Variants in F13A1 observed in about 807,000 individuals in gnomAD.
The protein encoded by F13A1 is FSF, A subunit.
In F13A1, 47 loss-of-function variants were observed where a neutral mutation model predicts 80.1. The ratio of observed to expected loss-of-function variants is 0.59; its 90% confidence interval spans 0.46 to 0.75. The LOEUF is 0.75. F13A1 is among the 30% of genes least tolerant of loss of function. The pLI is 0.00. For missense variants in F13A1, 817 were observed against 930.4 expected, an observed-to-expected ratio of 0.88 and a Z score of 1.59; for synonymous variants, 349 against 344.9, an observed-to-expected ratio of 1.01 and a Z score of -0.13.
At position 6,318,667 on chromosome 6, in the gene F13A1, T is replaced by C; in HGVS notation, c.-3A>G. The C allele has an allele frequency of 1.2e-6, 2 of 1,607,574 alleles. No homozygotes were observed. The highest frequency in any genetic ancestry group is 1.7e-6 in the Non-Finnish European group (2 of 1,179,064). On this transcript the variant is annotated 5_prime_UTR_variant, in exon 2 of 15. Coordinates refer to ENST00000264870, the MANE Select transcript of F13A1 (RefSeq NM_000129.4). The stretch of plus-strand genomic sequence containing the variant: ...GCGGTCCTGGAAGTTTCTGACATTT[T>C]TGACTTTACAAGGTCCTTCAGAAAA...
At chr6:6,209,846 T>G (rs1033296667) in intron 8 of F13A1, among the ~76,000 whole-genome samples, 1 of 151,914 alleles carries the variant, frequency 6.6e-6, no homozygotes, top group Non-Finnish European at 1.5e-5. Flanking sequence ...GTTGGAGAAA[T>G]GGGGAGTGAC....
intron 13 of F13A1, among the ~76,000 whole-genome samples, chr6:6,161,551 T>TGTGTGTGTGTGTGTGTGTGA (rs1010361754): frequency 1.1e-3 from 157 of 146,370 alleles, no homozygotes; most frequent in African/African-American, 3.4e-3. Flanking sequence ...TGTGTGTGTG[T>TGTGTGTGTGTGTGTGTGTGA]GAGAGAGAGA....
chr6:6,311,477 GA>G lies in F13A1; in HGVS notation c.131-5939del, dbSNP rs541385792. 2.1e-3 allele frequency among the ~76,000 whole-genome samples: 301 copies of G among 146,416 alleles called. 6 individuals are homozygous for G. Among genetic ancestry groups the G allele is most frequent in the African/African-American group, 7.2e-3 (287 of 39,594 alleles). ...CTTATATGTTGATAACAAAGGGTGA[GA>G]AAAAGGGTGCTGATTAATGCCTTTG... On this transcript the variant is annotated intron_variant, in intron 2 of 14. Coordinates refer to ENST00000264870, the MANE Select transcript of F13A1 (RefSeq NM_000129.4).
At chr6:6,163,521 G>A (rs1760609259) in intron 13 of F13A1, among the ~76,000 whole-genome samples, 1 of 152,146 alleles carries the variant, frequency 6.6e-6, no homozygotes, top group East Asian at 1.9e-4. Flanking sequence ...GACCCTGTGT[G>A]TGTTGTTTCC....
At chr6:6,284,781 G>A (rs1175236763) in intron 3 of F13A1, among the ~76,000 whole-genome samples, 2 of 152,154 alleles carry the variant, frequency 1.3e-5, no homozygotes, top group Non-Finnish European at 2.9e-5. Flanking sequence ...ATACTTCGTA[G>A]CCCTCTTGGA....
chr6:6,146,389 C>A (rs1362930991), intron 14 of F13A1, among the ~76,000 whole-genome samples: 2 of 152,196 alleles, frequency 1.3e-5, no homozygotes, highest in Non-Finnish European at 2.9e-5. Flanking sequence ...CTTTCTGCTA[C>A]CATTTGTTGC....
chr6:6,245,862 C>A (rs1487679707), intron 6 of F13A1, among the ~76,000 whole-genome samples: 1 of 152,202 alleles, frequency 6.6e-6, no homozygotes, highest in African/African-American at 2.4e-5. Flanking sequence ...AGTCCACATG[C>A]CACCTATACC....
At chr6:6,305,187 A>T in intron 3 of F13A1, 164 bp downstream of exon 3, 1 of 798,454 alleles carries the variant, frequency 1.3e-6, no homozygotes, top group Non-Finnish European at 2.2e-6. Context: ...TTGGCACTAT[A>T]CAGACCAGTC....
intron 10 of F13A1, among the ~76,000 whole-genome samples, chr6:6,186,832 G>A (rs1335139089): frequency 8.6e-5 from 13 of 150,320 alleles, no homozygotes; most frequent in Admixed American, 4.0e-4. Flanking sequence ...CCATTTTCAC[G>A]ATATTGATTC....
At chr6:6,233,585 C>T (rs1757378619) in intron 6 of F13A1, among the ~76,000 whole-genome samples, 1 of 152,106 alleles carries the variant, frequency 6.6e-6, no homozygotes, top group Non-Finnish European at 1.5e-5. Context: ...GGAACCCTCC[C>T]AAATTCATTC....
chr6:6,238,715 C>CATATATATATATATATATATATATAT (rs4053228), intron 6 of F13A1, among the ~76,000 whole-genome samples: 62 of 146,012 alleles, frequency 4.2e-4, no homozygotes, highest in African/African-American at 1.3e-3. Context: ...AAACATGCTG[C>CATATATATATATATATATATATATAT]ATATATATAT....
intron 3 of F13A1, among the ~76,000 whole-genome samples, chr6:6,284,067 A>C (rs1297526358): frequency 6.6e-6 from 1 of 152,258 alleles, no homozygotes; most frequent in African/African-American, 2.4e-5. Context: ...AAAGAGGCAG[A>C]GAGCAAAAAG....
At chr6:6,236,874 T>C (rs1048597639) in intron 6 of F13A1, among the ~76,000 whole-genome samples, 1 of 152,186 alleles carries the variant, frequency 6.6e-6, no homozygotes, top group Non-Finnish European at 1.5e-5. Flanking sequence ...AATTATTTCC[T>C]GTAGAAAATC....
chr6:6,166,169 G>T (rs939189969), intron 13 of F13A1, among the ~76,000 whole-genome samples: 1 of 152,250 alleles, frequency 6.6e-6, no homozygotes, highest in African/African-American at 2.4e-5. Context: ...AGGAGTTATA[G>T]AACCTCTCTG....
Position 6,243,645 on chromosome 6 carries a change from A to T in F13A1, c.798+4667T>A, listed in dbSNP as rs1247123191. On this transcript the variant is annotated intron_variant, in intron 6 of 14. Transcript: ENST00000264870. The surrounding 1 kb of genome is among the most constrained non-coding windows in gnomAD (Gnocchi z 4.2). ...AAGGTAATATGATCTGAGAGTAAGG[A>T]CCATATCTGGTTTCAGCTCAGCCAC... Among the ~76,000 whole-genome samples the T allele has an allele frequency of 1.3e-5, 2 of 152,120 alleles. No individual in the cohort carries two copies. Among genetic ancestry groups the T allele is most frequent in the East Asian group, 3.9e-4 (2 of 5,192 alleles).
At chr6:6,200,478 G>A (rs1378590678) in intron 8 of F13A1, among the ~76,000 whole-genome samples, 1 of 151,194 alleles carries the variant, frequency 6.6e-6, no homozygotes, top group Non-Finnish European at 1.5e-5. Context: ...TTGAGCCCGG[G>A]AGATCAAGGC....
chr6:6,252,463 A>C lies in F13A1; in HGVS notation c.572-1534T>G, dbSNP rs528037772. Among the ~76,000 whole-genome samples, 7 of 152,330 alleles carry C rather than the reference A, an allele frequency of 4.6e-5. No individual in the cohort carries two copies. In the East Asian group the frequency reaches 1.3e-3, roughly 29 times the overall value. On this transcript the variant is annotated intron_variant, in intron 4 of 14. Transcript: ENST00000264870. Reference sequence around the variant, plus strand: ...CTATTTTTAAAAAGCTACACGCTAAAATATGTACAGGTAAAATAATATGAT... The same window carrying C: ...CTATTTTTAAAAAGCTACACGCTAACATATGTACAGGTAAAATAATATGAT...
rs1249224336 is a variant in F13A1 at position 6,145,586 on chromosome 6, A to C, written c.*33T>G. On this transcript the variant is annotated 3_prime_UTR_variant, in exon 15 of 15. Coordinates refer to ENST00000264870, the MANE Select transcript of F13A1 (RefSeq NM_000129.4). ...TCCTTAGCCAAGACTACAAGAGGCC[A>C]AATGCCAGGGTTCATCTCAGCTTCC... The C allele has an allele frequency of 6.2e-7, 1 of 1,614,134 alleles. No homozygotes were observed. Among genetic ancestry groups the C allele is most frequent in the Admixed American group, 1.7e-5 (1 of 60,026 alleles).
chr6:6,159,122 C>A (rs111854487), intron 13 of F13A1, among the ~76,000 whole-genome samples: 16 of 151,974 alleles, frequency 1.1e-4, no homozygotes, highest in African/African-American at 3.9e-4. Context: ...AGGATGGTCT[C>A]GATCTCCTGA....
Sources: gnomAD v4.1 joint callset for allele counts (sites outside exome capture counted in the v4.1 genomes callset) on GRCh38, gnomAD v4.1.1 for gene constraint, Gnocchi (gnomAD v3.1) non-coding constraint, MANE v1.5 for transcripts, NCBI Gene and HGNC (gene_info 2026-07-23, HGNC 2026-07-21) for gene names.